NFIB: variants seen among roughly 807,000 people sequenced by gnomAD.
The protein encoded by NFIB is nuclear factor 1 B-type.
Under a neutral mutation model 61.5 loss-of-function variants are expected in NFIB, and 11 were observed. The ratio of observed to expected loss-of-function variants is 0.18; its 90% confidence interval spans 0.11 to 0.30. The LOEUF is 0.30. NFIB is among the 10% of genes least tolerant of loss of function. The pLI, the probability that NFIB is intolerant of heterozygous loss-of-function variation, is 1.00. For missense variants in NFIB, 471 were observed against 608.9 expected (o/e 0.77, Z 2.38); for synonymous variants, 260 against 216.5 (o/e 1.20, Z -1.76).
intron 1 of NFIB, among the ~76,000 whole-genome samples, chr9:14,371,949 C>T (rs952974298): frequency 8.5e-5 from 13 of 152,108 alleles, no homozygotes; most frequent in Non-Finnish European, 1.8e-4. Flanking sequence ...CTGGATGCTC[C>T]CCACTCTGCT....
At chr9:14,430,563 T>A in the NFIB span, among the ~76,000 whole-genome samples, 1 of 145,854 alleles carries the variant, frequency 6.9e-6, no homozygotes, top group Non-Finnish European at 1.5e-5. Context: ...GCTTGCCTTT[T>A]CCCTGAAATG....
intron 3 of NFIB, among the ~76,000 whole-genome samples, chr9:14,174,784 A>T (rs958155318): frequency 3.1e-4 from 47 of 151,622 alleles, no homozygotes; most frequent in Non-Finnish European, 1.8e-4. Flanking sequence ...AAAAAAAAAA[A>T]AGTGAATGAA....
chr9:14,443,111 C>A, the NFIB span, among the ~76,000 whole-genome samples: 1 of 147,642 alleles, frequency 6.8e-6, no homozygotes, highest in Non-Finnish European at 1.5e-5. Flanking sequence ...AGTGGGAGGC[C>A]GACTCACAGA....
chr9:14,157,282 C>A (rs774961449), intron 3 of NFIB, among the ~76,000 whole-genome samples: 2 of 152,038 alleles, frequency 1.3e-5, no homozygotes, highest in Non-Finnish European at 2.9e-5. Flanking sequence ...GAAAATTTAC[C>A]AGAACAAAAG....
At chr9:14,385,338 A>T (rs1349299762) in intron 1 of NFIB, among the ~76,000 whole-genome samples, 1 of 152,192 alleles carries the variant, frequency 6.6e-6, no homozygotes, top group East Asian at 1.9e-4. Flanking sequence ...ACTAACTTTC[A>T]AACTGCCTTC....
intron 3 of NFIB, among the ~76,000 whole-genome samples, chr9:14,175,355 T>C (rs955990904): frequency 1.3e-5 from 2 of 151,732 alleles, no homozygotes; most frequent in African/African-American, 4.8e-5. Flanking sequence ...TTTGTATTTT[T>C]AGTAGAGACG....
intron 7 of NFIB, 28 bp downstream of exon 7, chr9:14,125,604 C>G: frequency 1.9e-6 from 3 of 1,612,772 alleles, no homozygotes; most frequent in South Asian, 1.1e-5. Flanking sequence ...AAGAAGGAGG[C>G]TTCTCCTCTA....
the NFIB span, among the ~76,000 whole-genome samples, chr9:14,507,941 C>T: frequency 6.9e-6 from 1 of 145,774 alleles, no homozygotes; most frequent in African/African-American, 2.5e-5. Flanking sequence ...GAGGCATAAA[C>T]ACACACAGAC....
chr9:14,166,439 T>C (rs1322657244), intron 3 of NFIB, among the ~76,000 whole-genome samples: 1 of 152,202 alleles, frequency 6.6e-6, no homozygotes, highest in Admixed American at 6.5e-5. Context: ...TGTCTCCTGT[T>C]ATTTAATGTC....
At chr9:14,499,020 ATGTGCACGTGTGTGTGTGCACG>A in the NFIB span, among the ~76,000 whole-genome samples, 1 of 151,104 alleles carries the variant, frequency 6.6e-6, no homozygotes, top group Non-Finnish European at 1.5e-5. Flanking sequence ...GTACGTGCAC[ATGTGCACGTGTGTGTGTGCACG>A]TGTGTACGTG....
At chr9:14,440,024 A>G in the NFIB span, among the ~76,000 whole-genome samples, 1 of 152,166 alleles carries the variant, frequency 6.6e-6, no homozygotes, top group Admixed American at 6.5e-5. Context: ...CCTTCCTCAA[A>G]GCCCTCCTCT....
In NFIB at chr9:14,087,690, A is replaced by G. The variant is rs1251065186; in HGVS notation, c.*619T>C. The G allele has an allele frequency of 9.2e-6, 2 of 217,810 alleles. No homozygotes were observed. The highest frequency in any genetic ancestry group is 5.8e-5 in the Admixed American group (1 of 17,258). The allele number at this position is 217,810 out of a possible 1,614,324, so 13.5% of individuals were successfully genotyped here. ...ATCTGTACTGATAACTAAAGGCTAC[A>G]GAGATTTCATATATTTTTTTTAACT... On this transcript the variant is annotated 3_prime_UTR_variant, in exon 11 of 11. Coordinates refer to ENST00000380953, the MANE Select transcript of NFIB (RefSeq NM_001190737.2).
At position 14,365,049 on chromosome 9, in the gene NFIB, A is replaced by G. The variant is rs76298293; in HGVS notation, c.108+33475T>C. Among the ~76,000 whole-genome samples, 364 of 152,336 alleles carry G rather than the reference A, an allele frequency of 2.4e-3. 2 individuals are homozygous for G. Among genetic ancestry groups the G allele is most frequent in the African/African-American group, 8.4e-3 (350 of 41,576 alleles). ...CATTGTCTGTAAAATAGGCCTAACA[A>G]TAGTTCCAATTTCAGAGTAGTGAAG... is the stretch of plus-strand genomic sequence containing the variant. On this transcript the variant is annotated intron_variant, in intron 1 of 8. Transcript: ENST00000380934.
At chr9:14,434,561 A>T in the NFIB span, among the ~76,000 whole-genome samples, 1 of 152,116 alleles carries the variant, frequency 6.6e-6, no homozygotes, top group Non-Finnish European at 1.5e-5. Flanking sequence ...TGAGGAAAGG[A>T]TCCCTTTCAA....
At chr9:14,232,683 G>A (rs2131954990) in intron 2 of NFIB, among the ~76,000 whole-genome samples, 1 of 152,042 alleles carries the variant, frequency 6.6e-6, no homozygotes, top group Non-Finnish European at 1.5e-5. Flanking sequence ...TTTTCACCTT[G>A]GAAACTTTCA....
At chr9:14,323,282 A>C (rs7852112) in intron 1 of NFIB, among the ~76,000 whole-genome samples, 1 of 152,178 alleles carries the variant, frequency 6.6e-6, no homozygotes, top group South Asian at 2.1e-4. Flanking sequence ...TCCCAGAAGT[A>C]AACACTCTAG....
chr9:14,096,500 C>T (rs2034811464), intron 10 of NFIB: 1 of 152,158 alleles, frequency 6.6e-6, no homozygotes, highest in African/African-American at 2.4e-5. Flanking sequence ...AGGATCATCT[C>T]ATTTTGGTCA....
chr9:14,091,100 G>T (rs898426571), intron 10 of NFIB, among the ~76,000 whole-genome samples: 1 of 151,860 alleles, frequency 6.6e-6, no homozygotes, highest in Non-Finnish European at 1.5e-5. Context: ...CAATATATTT[G>T]TCAATACTGT....
rs547590810 is a variant in NFIB at position 14,128,424 on chromosome 9, G to A, written c.926-2658C>T. Reference sequence around the variant, plus strand: ...CATTTTAAAATAATTTAGGCCGGGTGCAGTGGCTCACGCCTGTAATCCCAA... The same window carrying A: ...CATTTTAAAATAATTTAGGCCGGGTACAGTGGCTCACGCCTGTAATCCCAA... On this transcript the variant is annotated intron_variant, in intron 6 of 10. Transcript: ENST00000380953. Among the ~76,000 whole-genome samples the A allele has an allele frequency of 1.0e-3, 159 of 152,260 alleles. 2 individuals carry two copies. The highest frequency in any genetic ancestry group is 3.7e-3 in the African/African-American group (154 of 41,548).
Sources: allele counts gnomAD v4.1 joint callset (sites outside exome capture counted in the v4.1 genomes callset), GRCh38; gene constraint gnomAD v4.1.1; transcripts MANE v1.5; gene names NCBI Gene and HGNC (gene_info 2026-07-23, HGNC 2026-07-21).